CLVS1: variants seen among roughly 807,000 people sequenced by gnomAD.
CLVS1 encodes clavesin 1.
Under a neutral mutation model 33.1 loss-of-function variants are expected in CLVS1, and 10 were observed. The ratio of observed to expected loss-of-function variants is 0.30; its 90% CI spans 0.19 to 0.51. CLVS1 has a LOEUF of 0.51. Among genes scored for constraint, CLVS1 ranks in the 20% least tolerant of loss-of-function variants. The pLI is 0.97. For synonymous variants in CLVS1, 163 were observed against 166.1 expected, an observed-to-expected ratio of 0.98 and a Z score of 0.14; for missense variants, 343 against 433.4, an observed-to-expected ratio of 0.79 and a Z score of 1.85.
intron 2 of CLVS1, among the ~76,000 whole-genome samples, chr8:61,148,861 C>T (rs964779884): frequency 5.3e-5 from 8 of 152,102 alleles, no homozygotes; most frequent in Middle Eastern, 3.2e-3. Context: ...GTACGTGTGT[C>T]GTGATATCTG....
At chr8:61,369,722 C>G (rs1813356381) in intron 2 of CLVS1, among the ~76,000 whole-genome samples, 1 of 152,202 alleles carries the variant, frequency 6.6e-6, no homozygotes, top group African/African-American at 2.4e-5. Flanking sequence ...CATTGCTGAA[C>G]TTCAGTTTGT....
chr8:61,097,041 T>G (rs897322360), intron 1 of CLVS1, among the ~76,000 whole-genome samples: 5 of 152,034 alleles, frequency 3.3e-5, no homozygotes, highest in African/African-American at 1.2e-4. Flanking sequence ...CTTTACACAG[T>G]TAAAGGTCTC....
At chr8:61,036,216 A>G in the CLVS1 span, among the ~76,000 whole-genome samples, 2 of 152,274 alleles carry the variant, frequency 1.3e-5, no homozygotes, top group African/African-American at 4.8e-5. Context: ...CCAAGGAAAG[A>G]GAAAGAATAG....
chr8:61,206,813 T>A (rs887929301), intron 2 of CLVS1, among the ~76,000 whole-genome samples: 2 of 152,148 alleles, frequency 1.3e-5, no homozygotes, highest in African/African-American at 4.8e-5. Context: ...GGTCTCGATC[T>A]CCTGACCTTG....
intron 3 of CLVS1, among the ~76,000 whole-genome samples, chr8:61,401,580 GTTCC>G (rs1413316479): frequency 2.2e-4 from 34 of 152,258 alleles, no homozygotes; most frequent in African/African-American, 8.2e-4. Context: ...ATGGAAAAAT[GTTCC>G]ATGCTCATGG....
chr8:61,419,332 A>G (rs1179887215), intron 3 of CLVS1, among the ~76,000 whole-genome samples: 45 of 146,882 alleles, frequency 3.1e-4, no homozygotes, highest in African/African-American at 1.1e-3. Context: ...AGGAGGCGAA[A>G]GTTGCAGTGA....
At chr8:61,418,334 C>CA (rs1023543911) in intron 3 of CLVS1, among the ~76,000 whole-genome samples, 1 of 151,434 alleles carries the variant, frequency 6.6e-6, no homozygotes, top group African/African-American at 2.4e-5. Flanking sequence ...GACCCCAACT[C>CA]AAAAAAAACC....
intron 5 of CLVS1, among the ~76,000 whole-genome samples, chr8:61,467,703 T>C (rs538545449): frequency 6.6e-6 from 1 of 152,316 alleles, no homozygotes; most frequent in South Asian, 2.1e-4. Context: ...AAAGTGGGGA[T>C]TTTAGGCTGT....
At chr8:61,120,881 T>G (rs1436420001) in intron 1 of CLVS1, among the ~76,000 whole-genome samples, 4 of 147,358 alleles carry the variant, frequency 2.7e-5, no homozygotes, top group Admixed American at 2.7e-4. Context: ...CAGGCCTCCT[T>G]GATCTGTGGT....
chr8:61,318,267 T>C (rs1563493447), intron 2 of CLVS1, among the ~76,000 whole-genome samples: 1 of 152,214 alleles, frequency 6.6e-6, no homozygotes, highest in Non-Finnish European at 1.5e-5. Flanking sequence ...TGTGGTGTTC[T>C]GTAGTTGTGT....
chr8:61,400,483 G>T (rs1358102323), intron 3 of CLVS1, among the ~76,000 whole-genome samples: 1 of 152,162 alleles, frequency 6.6e-6, no homozygotes, highest in Non-Finnish European at 1.5e-5. Context: ...TTCAAACAAA[G>T]ATAGTTTGGC....
chr8:61,151,274 A>C (rs545301584), intron 2 of CLVS1, among the ~76,000 whole-genome samples: 10 of 152,338 alleles, frequency 6.6e-5, no homozygotes, highest in African/African-American at 2.4e-4. Flanking sequence ...AAAATGGAAA[A>C]GGGTCCAAAT....
intron 2 of CLVS1, among the ~76,000 whole-genome samples, chr8:61,248,351 A>G (rs1300151965): frequency 6.6e-6 from 1 of 152,158 alleles, no homozygotes; most frequent in African/African-American, 2.4e-5. Context: ...GATAGGAATA[A>G]CATTGAATCT....
chr8:61,349,185 T>G lies in CLVS1; in HGVS notation c.456-27420T>G, dbSNP rs78146029. On this transcript the variant is annotated intron_variant, in intron 2 of 5. Coordinates refer to ENST00000325897, the MANE Select transcript of CLVS1 (RefSeq NM_173519.3). Reference sequence around the variant, plus strand: ...GTAAGTTGTCTTTTCACTCTGTTCATTGTCTCCTTGGCTGTGCAGAAGCTT... The same window carrying G: ...GTAAGTTGTCTTTTCACTCTGTTCAGTGTCTCCTTGGCTGTGCAGAAGCTT... Among the ~76,000 whole-genome samples, 201 of 152,292 alleles carry G rather than the reference T, an allele frequency of 1.3e-3. 1 individual carries two copies. Among genetic ancestry groups the G allele is most frequent in the African/African-American group, 4.6e-3 (192 of 41,570 alleles).
At chr8:61,201,876 G>T (rs932347020) in intron 2 of CLVS1, among the ~76,000 whole-genome samples, 2 of 152,150 alleles carry the variant, frequency 1.3e-5, no homozygotes, top group African/African-American at 4.8e-5. Flanking sequence ...GGGTACACTC[G>T]CCAGCAGTTT....
chr8:60,997,509 A>T, the CLVS1 span, among the ~76,000 whole-genome samples: 36 of 152,210 alleles, frequency 2.4e-4, no homozygotes, highest in African/African-American at 8.0e-4. Flanking sequence ...ATATATACAC[A>T]TATAAAGGTT....
Position 61,265,373 on chromosome 8 carries a change from C to G in CLVS1, c.-151-34304C>G, listed in dbSNP as rs187059863. ...GGTGACTTTGGATCAGTTACTTAATCTTTCTTTACTTCAGTTTCCTTAACT... is the reference window on the plus strand; with the variant it reads ...GGTGACTTTGGATCAGTTACTTAATGTTTCTTTACTTCAGTTTCCTTAACT... On this transcript the variant is annotated intron_variant, in intron 2 of 2. Coordinates refer to the CLVS1 transcript ENST00000522621. Among the ~76,000 whole-genome samples the G allele has an allele frequency of 3.8e-3, 574 of 152,312 alleles. 5 individuals are homozygous for G. Among genetic ancestry groups the G allele is most frequent in the African/African-American group, 0.013 (530 of 41,562 alleles).
intron 1 of CLVS1, 29 bp downstream of exon 1, chr8:61,288,167 T>C (rs1016073862): frequency 1.1e-5 from 5 of 456,114 alleles, no homozygotes; most frequent in South Asian, 3.1e-5. Context: ...CTCCCCTCTG[T>C]ATTTGCCGAG....
intron 2 of CLVS1, among the ~76,000 whole-genome samples, chr8:61,339,866 A>G (rs2129598082): frequency 6.6e-6 from 1 of 151,234 alleles, no homozygotes; most frequent in African/African-American, 2.4e-5. Context: ...AATAGAAAAA[A>G]GAAATAGAGA....
Sources: gnomAD v4.1 joint callset for allele counts (sites outside exome capture counted in the v4.1 genomes callset) on GRCh38, gnomAD v4.1.1 for gene constraint, MANE v1.5 for transcripts, NCBI Gene and HGNC (gene_info 2026-07-23, HGNC 2026-07-21) for gene names.